The following MIGA1 variants were observed in gnomAD, a reference collection of about 807,000 sequenced individuals.
The protein encoded by MIGA1 is family with sequence similarity 73, member A.
MIGA1 carries 58 observed loss-of-function variants against 82.0 expected under a neutral mutation model. The observed-to-expected ratio is 0.71, with a 90% CI of 0.57 to 0.88. The LOEUF (loss-of-function observed/expected upper bound fraction) is 0.88. Among genes scored for constraint, MIGA1 ranks in the 40% least tolerant of loss-of-function variants. The probability of loss-of-function intolerance (pLI) is 0.00; values close to 1 mark genes in which losing one functional copy is unlikely to be tolerated. For missense variants in MIGA1, 751 were observed against 749.1 expected, an observed-to-expected ratio of 1.00 and a Z score of -0.03; for synonymous variants, 249 against 253.6, an observed-to-expected ratio of 0.98 and a Z score of 0.17.
intron 7 of MIGA1, among the ~76,000 whole-genome samples, chr1:77,840,981 AGTGT>A (rs1684607406): frequency 6.6e-6 from 1 of 152,138 alleles, no homozygotes; most frequent in Non-Finnish European, 1.5e-5. Flanking sequence ...ATAAAAGCTC[AGTGT>A]GTGTGTATTT....
chr1:77,803,160 T>C, intron 3 of MIGA1, 110 bp from the exon 4 acceptor site: 1 of 559,550 alleles, frequency 1.8e-6, no homozygotes, highest in South Asian at 7.0e-5. Context: ...TGATGCATGT[T>C]TTAAAATTAG....
chr1:77,848,496 C>G, intron 8 of MIGA1: 1 of 1,085,058 alleles, frequency 9.2e-7, no homozygotes, highest in East Asian at 2.4e-5. Context: ...GAAAGGAAAG[C>G]AGCCCAAGTT....
intron 8 of MIGA1, among the ~76,000 whole-genome samples, chr1:77,846,665 C>T (rs184442528): frequency 3.8e-3 from 571 of 150,340 alleles, no homozygotes; most frequent in Non-Finnish European, 4.6e-3. Flanking sequence ...TCAGATACCT[C>T]GGCCGGGACT....
chr1:77,804,597 G>A (rs532211906), intron 4 of MIGA1, among the ~76,000 whole-genome samples: 14 of 151,690 alleles, frequency 9.2e-5, no homozygotes, highest in Admixed American at 7.2e-4. Flanking sequence ...TCAATTCCCC[G>A]CCATGGAGAT....
intron 14 of MIGA1, among the ~76,000 whole-genome samples, chr1:77,868,943 T>A (rs187371016): frequency 1.7e-3 from 225 of 133,536 alleles, no homozygotes; most frequent in African/African-American, 8.1e-3. Flanking sequence ...TTTATTTATT[T>A]TTTTTTTTTA....
chr1:77,836,208 G>A (rs1482169764), intron 7 of MIGA1, among the ~76,000 whole-genome samples: 3 of 152,010 alleles, frequency 2.0e-5, no homozygotes, highest in African/African-American at 4.8e-5. Flanking sequence ...AAGAAAGAAA[G>A]TAAAGTCCCT....
chr1:77,872,406 G>C (rs1023459038), intron 14 of MIGA1, among the ~76,000 whole-genome samples: 2 of 152,014 alleles, frequency 1.3e-5, no homozygotes, highest in Admixed American at 1.3e-4. Flanking sequence ...TTCAAGACCA[G>C]CCTGAGCAAC....
intron 2 of MIGA1, among the ~76,000 whole-genome samples, chr1:77,799,904 A>G (rs1249181297): frequency 6.7e-6 from 1 of 148,932 alleles, no homozygotes; most frequent in Non-Finnish European, 1.5e-5. Context: ...TTTAATCTTT[A>G]TAATGCTTCC....
At position 77,810,804 on chromosome 1, in the gene MIGA1, T is replaced by TA; in HGVS notation, c.638-2930_638-2929insA. ...AGGGTGAATATGCTACACAGAGCTA[T>TA]GATGGTTTCTACTGAGTGGTAAAAT... On this transcript the variant is annotated intron_variant, in intron 5 of 15. Coordinates refer to ENST00000370791, the MANE Select transcript of MIGA1 (RefSeq NM_198549.4). 4.5e-6 allele frequency: 7 copies of TA among 1,565,876 alleles called. No homozygotes were observed. The Admixed American group carries it at 8.8e-5, about 20-fold the overall frequency.
intron 8 of MIGA1, among the ~76,000 whole-genome samples, chr1:77,844,116 ATAT>A (rs1684738389): frequency 1.7e-4 from 3 of 17,490 alleles, no homozygotes; most frequent in Non-Finnish European, 4.2e-4. Context: ...AAAAAAAAAT[ATAT>A]ATATATATAT....
chr1:77,780,241 T>C, intron 1 of MIGA1: 1 of 918,134 alleles, frequency 1.1e-6, no homozygotes. Flanking sequence ...CGGGTGGTTT[T>C]GAGCAGGGAG....
At chr1:77,787,727 G>A (rs942553068) in intron 2 of MIGA1, among the ~76,000 whole-genome samples, 1 of 151,706 alleles carries the variant, frequency 6.6e-6, no homozygotes, top group Non-Finnish European at 1.5e-5. Flanking sequence ...TTCTCGTGGA[G>A]TTTTAGTTCT....
chr1:77,802,500 A>G (rs575334666), intron 3 of MIGA1, among the ~76,000 whole-genome samples: 2 of 152,220 alleles, frequency 1.3e-5, no homozygotes, highest in Non-Finnish European at 2.9e-5. Context: ...CTTGTGCAGC[A>G]TGGTGACTCG....
At chr1:77,810,842 C>G (rs1683298120) in intron 5 of MIGA1, 2 of 1,607,588 alleles carry the variant, frequency 1.2e-6, no homozygotes, top group Non-Finnish European at 1.7e-6. Flanking sequence ...ACAGAAGTTC[C>G]AGGTTCATCA....
At chr1:77,791,582 T>A (rs1035102562) in intron 2 of MIGA1, among the ~76,000 whole-genome samples, 6 of 90,764 alleles carry the variant, frequency 6.6e-5, no homozygotes, top group Admixed American at 3.6e-4. Context: ...TTTTTTTTTT[T>A]AAACAGAGTC....
rs767115757 is a variant in MIGA1, at chr1:77,803,337, T to G, written c.441T>G (p.Ser147=). ...TAAGTTCTACCAAAGACAAAGGATC[T>G]CAAGTTTGTAACTATGCTAATGGAG... The change falls in exon 4 of 16, where the codon TCT becomes TCG. Residue 147 remains serine (S), a synonymous_variant. Coordinates refer to ENST00000370791, the MANE Select transcript of MIGA1 (RefSeq NM_198549.4). 19 of 1,570,208 alleles carry G rather than the reference T, an allele frequency of 1.2e-5. 1 individual carries two copies. The South Asian group carries it at 2.3e-4, about 19-fold the overall frequency.
intron 5 of MIGA1, among the ~76,000 whole-genome samples, chr1:77,813,102 C>T (rs1683409856): frequency 6.6e-6 from 1 of 152,120 alleles, no homozygotes; most frequent in African/African-American, 2.4e-5. Flanking sequence ...CCGCATCAGC[C>T]TCCTGAGTAG....
At chr1:77,849,601 A>G (rs1334752427) in intron 8 of MIGA1, among the ~76,000 whole-genome samples, 1 of 152,248 alleles carries the variant, frequency 6.6e-6, no homozygotes, top group Non-Finnish European at 1.5e-5. Context: ...TAGTTGGCTT[A>G]AATGAAAATA....
chr1:77,859,238 C>T, intron 9 of MIGA1, 76 bp from the exon 10 acceptor site: 4 of 1,247,932 alleles, frequency 3.2e-6, no homozygotes, highest in Non-Finnish European at 4.7e-6. Flanking sequence ...GAGGTTAAGC[C>T]TTGTTTGAAT....
Sources: allele counts gnomAD v4.1 joint callset (sites outside exome capture counted in the v4.1 genomes callset), GRCh38; gene constraint gnomAD v4.1.1; transcripts MANE v1.5; gene names NCBI Gene and HGNC (gene_info 2026-07-23, HGNC 2026-07-21).